The following PRRT1B variants were observed in gnomAD, a reference collection of about 807,000 sequenced individuals.
The protein encoded by PRRT1B is dispanin subfamily D member 2.
At chr9:131,546,055 C>A (rs1192294161) in intron 1 of PRRT1B, among the ~76,000 whole-genome samples, 2 of 152,156 alleles carry the variant, frequency 1.3e-5, no homozygotes, top group Non-Finnish European at 1.5e-5. Flanking sequence ...TCTGGGGGCG[C>A]CCCTGCGGGC....
In PRRT1B at chr9:131,551,238, G is replaced by A. The variant is rs1175732210; in HGVS notation, c.26-3319G>A. Reference sequence around the variant, plus strand: ...ATTACGGGTGTGAGCCACCGCGCCCGACCTGCGTTTAGTTTTTCAATTCAT... The same window carrying A: ...ATTACGGGTGTGAGCCACCGCGCCCAACCTGCGTTTAGTTTTTCAATTCAT... On this transcript the variant is annotated intron_variant, in intron 1 of 3. Transcript: ENST00000636672. The surrounding 1 kb of genome is among the most constrained non-coding windows in gnomAD (Gnocchi z 4.4). Among the ~76,000 whole-genome samples the A allele has an allele frequency of 6.6e-6, 1 of 151,800 alleles. No homozygotes were observed. The highest frequency in any genetic ancestry group is 1.5e-5 in the Non-Finnish European group (1 of 67,978).
chr9:131,546,804 C>A (rs1391442275), intron 1 of PRRT1B, among the ~76,000 whole-genome samples: 1 of 152,140 alleles, frequency 6.6e-6, no homozygotes, highest in African/African-American at 2.4e-5. Context: ...ACTCTGGGGC[C>A]CTATCTCCGC....
chr9:131,545,570 G>A (rs1026073974), exon 1 of PRRT1B: 6 of 397,308 alleles, frequency 1.5e-5, no homozygotes, highest in Non-Finnish European at 2.7e-5. Context: ...GGCAGGCGCC[G>A]GGCCAGGGAG....
chr9:131,549,772 G>T (rs1950998581), intron 1 of PRRT1B, among the ~76,000 whole-genome samples: 1 of 152,096 alleles, frequency 6.6e-6, no homozygotes. Flanking sequence ...CCCCAACTCT[G>T]CCAACTTGGA....
intron 2 of PRRT1B, among the ~76,000 whole-genome samples, chr9:131,555,336 G>T (rs1248419248): frequency 1.1e-4 from 16 of 152,156 alleles, no homozygotes. Flanking sequence ...CGTGGGGAGG[G>T]ACCCCAGAAA....
At chr9:131,556,198 C>T (rs1416183994) in exon 3 of PRRT1B, 1 of 400,928 alleles carries the variant, frequency 2.5e-6, no homozygotes, top group Admixed American at 4.4e-5. Context: ...TCATCGCCAT[C>T]GTCTACTCCC....
In PRRT1B at chr9:131,551,113, T is replaced by C. The variant is rs955516766; in HGVS notation, c.26-3444T>C. ...ACCCGCCACCATGCTCCGCTAATTT[T>C]TTGTATTTTTAGTAGAGACGGGGTT... On this transcript the variant is annotated intron_variant, in intron 1 of 3. Transcript: ENST00000636672. The surrounding 1 kb of genome is among the most constrained non-coding windows in gnomAD (Gnocchi z 4.4). Among the ~76,000 whole-genome samples the C allele has an allele frequency of 6.6e-6, 1 of 151,862 alleles. No homozygotes were observed. Among genetic ancestry groups the C allele is most frequent in the South Asian group, 2.1e-4 (1 of 4,804 alleles).
chr9:131,553,911 C>T (rs929210545), intron 1 of PRRT1B, among the ~76,000 whole-genome samples: 4 of 152,204 alleles, frequency 2.6e-5, no homozygotes, highest in African/African-American at 4.8e-5. Context: ...CAGGACCTAT[C>T]GTTGGGTGCT....
intron 1 of PRRT1B, among the ~76,000 whole-genome samples, chr9:131,554,312 G>T (rs1405120525): frequency 6.6e-6 from 1 of 152,192 alleles, no homozygotes; most frequent in Admixed American, 6.5e-5. Flanking sequence ...AAGGAAAGGG[G>T]GTGGGACAGT....
Position 131,555,197 on chromosome 9 carries a change from G to GCT in PRRT1B, c.498+169_498+170dup, listed in dbSNP as rs148952166. Reference sequence around the variant, plus strand: ...GGGGTTTTGGAGGATGAATAGGAGGGCTAAGGCAAAGAGAACGACGGGCGC... The same window carrying GCT: ...GGGGTTTTGGAGGATGAATAGGAGGGCTCTAAGGCAAAGAGAACGACGGGCGC... On this transcript the variant is annotated intron_variant, in intron 2 of 3. Coordinates refer to ENST00000636672, the Ensembl canonical transcript of PRRT1B. Among the ~76,000 whole-genome samples, 1,109 of 152,326 alleles carry GCT rather than the reference G, an allele frequency of 7.3e-3. 17 individuals are homozygous for GCT. Among genetic ancestry groups the GCT allele is most frequent in the African/African-American group, 0.025 (1,039 of 41,574 alleles).
chr9:131,555,727 G>A lies in PRRT1B; in HGVS notation c.499-343G>A, dbSNP rs189540829. ...AAATAAAAATAAACAAAAGCCCTGG[G>A]CTGCCTGTGGGGGAAAGATTGGAGG... On this transcript the variant is annotated intron_variant, in intron 2 of 3. Coordinates refer to ENST00000636672, the Ensembl canonical transcript of PRRT1B. 2.6e-5 allele frequency among the ~76,000 whole-genome samples: 4 copies of A among 152,268 alleles called. No individual in the cohort carries two copies. In the East Asian group the frequency reaches 7.7e-4, roughly 29 times the overall value.
At chr9:131,559,665 ACT>A (rs1366729948), downstream of PRRT1B, among the ~76,000 whole-genome samples, 8 of 152,188 alleles carry the variant, frequency 5.3e-5, no homozygotes, top group South Asian at 2.1e-4. Context: ...CAGCCTGGAG[ACT>A]CTGTGGATTT....
chr9:131,547,684 T>A (rs1588548651), intron 1 of PRRT1B, among the ~76,000 whole-genome samples: 1 of 152,256 alleles, frequency 6.6e-6, no homozygotes, highest in Non-Finnish European at 1.5e-5. Context: ...GTCCTCCTGC[T>A]CTTTGCTCCG....
intron 1 of PRRT1B, among the ~76,000 whole-genome samples, chr9:131,550,984 C>G (rs1033550539): frequency 8.0e-6 from 1 of 125,084 alleles, no homozygotes; most frequent in African/African-American, 3.0e-5. Context: ...ACTGTGTTTC[C>G]CAGGCTGGAG....
chr9:131,555,953 G>A, intron 2 of PRRT1B, 117 bp from the exon 3 acceptor site: 1 of 397,580 alleles, frequency 2.5e-6, no homozygotes, highest in Non-Finnish European at 4.4e-6. Flanking sequence ...CAGCCTCAGT[G>A]GGTGGGGACT....
rs181745076 is a variant in PRRT1B at position 131,557,344 on chromosome 9, G to A, written c.643-709G>A. 3.0e-3 allele frequency among the ~76,000 whole-genome samples: 458 copies of A among 152,274 alleles called. 2 individuals are homozygous for A. Among genetic ancestry groups the A allele is most frequent in the Non-Finnish European group, 4.2e-3 (283 of 68,018 alleles). ...ACCTGAGGTCAGGAGTTCGAGATCA[G>A]CCTGACCAATATGGTGAAACCCCGT... On this transcript the variant is annotated intron_variant, in intron 3 of 3. Coordinates refer to ENST00000636672, the Ensembl canonical transcript of PRRT1B.
At position 131,551,942 on chromosome 9, in the gene PRRT1B, G is replaced by A. The variant is rs1005063875; in HGVS notation, c.26-2615G>A. 2.6e-5 allele frequency among the ~76,000 whole-genome samples: 4 copies of A among 152,024 alleles called. No homozygotes were observed. The highest frequency in any genetic ancestry group is 2.6e-4 in the Admixed American group (4 of 15,238). ...CTTCACACGGACACGAGTGAAACCCGCCACCACACCTGGCTAATTTTTGTA... is the reference window on the plus strand; with the variant it reads ...CTTCACACGGACACGAGTGAAACCCACCACCACACCTGGCTAATTTTTGTA... On this transcript the variant is annotated intron_variant, in intron 1 of 3. Coordinates refer to ENST00000636672, the Ensembl canonical transcript of PRRT1B. This position sits in a 1 kb window ranked among gnomAD's most constrained non-coding sequence, Gnocchi z 4.4.
Position 131,550,845 on chromosome 9 carries a change from TC to T in PRRT1B, c.26-3710del, listed in dbSNP as rs554816895. 6.2e-3 allele frequency among the ~76,000 whole-genome samples: 948 copies of T among 152,106 alleles called. 5 individuals carry two copies. The highest frequency in any genetic ancestry group is 0.014 in the Middle Eastern group (4 of 294). On this transcript the variant is annotated intron_variant, in intron 1 of 3. Transcript: ENST00000636672. Reference sequence around the variant, plus strand: ...CTTGGGCACTCAATTCTGTCCTGGGTCCTCCCAATTCTTAGTCATTTAATAC... The same window carrying T: ...CTTGGGCACTCAATTCTGTCCTGGGTCTCCCAATTCTTAGTCATTTAATAC...
At chr9:131,552,101 C>T (rs979186529) in intron 1 of PRRT1B, among the ~76,000 whole-genome samples, 1 of 152,166 alleles carries the variant, frequency 6.6e-6, no homozygotes, top group African/African-American at 2.4e-5. Context: ...CCATGTTCGC[C>T]TCTCTAAAAA....
Sources: allele counts gnomAD v4.1 joint callset (sites outside exome capture counted in the v4.1 genomes callset), GRCh38; gene constraint gnomAD v4.1.1; non-coding constraint Gnocchi (gnomAD v3.1); transcripts MANE v1.5; gene names NCBI Gene and HGNC (gene_info 2026-07-23, HGNC 2026-07-21).